Variants in CDH12 observed in about 807,000 individuals in gnomAD.
The protein encoded by CDH12 is cadherin 12, also known as cadherin-12.
CDH12 carries 41 observed loss-of-function variants against 74.1 expected under a neutral mutation model. That is an observed-to-expected ratio of 0.55 (90% CI 0.43 to 0.72). The LOEUF (loss-of-function observed/expected upper bound fraction) is 0.72. Among genes scored for constraint, CDH12 ranks in the 30% least tolerant of loss-of-function variants. The pLI, the probability that CDH12 is intolerant of heterozygous loss-of-function variation, is 0.00. For missense variants in CDH12, 945 were observed against 977.2 expected (o/e 0.97, Z 0.44); for synonymous variants, 399 against 355.0 (o/e 1.12, Z -1.39).
intron 2 of CDH12, among the ~76,000 whole-genome samples, chr5:22,419,777 A>G (rs1355593683): frequency 6.6e-6 from 1 of 152,200 alleles, no homozygotes; most frequent in African/African-American, 2.4e-5. Context: ...AAACTGTAAA[A>G]GCATTCCTAT....
At chr5:22,501,843 A>G (rs1422696513) in intron 2 of CDH12, among the ~76,000 whole-genome samples, 1 of 150,888 alleles carries the variant, frequency 6.6e-6, no homozygotes, top group Non-Finnish European at 1.5e-5. Context: ...ACTCAAATCC[A>G]CTCCTGGCTG....
Position 22,710,188 on chromosome 5 carries a change from A to G in CDH12, c.-523+142870T>C, listed in dbSNP as rs561014580. On this transcript the variant is annotated intron_variant, in intron 1 of 14. Transcript: ENST00000382254. ...TTTATTTCCTAAGTACAGAAATCAA[A>G]TTGATTTCAAAAATACAAAGTGACC... is the stretch of plus-strand genomic sequence containing the variant. Among the ~76,000 whole-genome samples the G allele has an allele frequency of 2.0e-4, 31 of 152,304 alleles. 1 individual carries two copies. Among genetic ancestry groups the G allele is most frequent in the South Asian group, 1.0e-3 (5 of 4,832 alleles).
chr5:22,692,974 T>C (rs1742162008), intron 1 of CDH12, among the ~76,000 whole-genome samples: 1 of 152,170 alleles, frequency 6.6e-6, no homozygotes, highest in Admixed American at 6.6e-5. Context: ...TAAATATTAT[T>C]ATTCCCTTTT....
intron 10 of CDH12, among the ~76,000 whole-genome samples, chr5:21,799,575 A>C (rs1049467208): frequency 6.6e-6 from 1 of 152,168 alleles, no homozygotes; most frequent in Non-Finnish European, 1.5e-5. Context: ...TAGCAGAAAC[A>C]CTGCCAGCTG....
intron 1 of CDH12, among the ~76,000 whole-genome samples, chr5:22,822,068 A>T (rs978604243): frequency 6.6e-6 from 1 of 152,206 alleles, no homozygotes; most frequent in African/African-American, 2.4e-5. Flanking sequence ...AGACCTCAGA[A>T]ATAATGCTGC....
chr5:22,709,737 G>A lies in CDH12; in HGVS notation c.-523+143321C>T, dbSNP rs114436603. Among the ~76,000 whole-genome samples, 571 of 152,238 alleles carry A rather than the reference G, an allele frequency of 3.8e-3. 4 individuals are homozygous for A. Among genetic ancestry groups the A allele is most frequent in the African/African-American group, 0.013 (548 of 41,538 alleles). ...CATGTGATGTTGACAGATTACTGTT[G>A]GAGTAAAGTATTCATAAAGTTTAAA... On this transcript the variant is annotated intron_variant, in intron 1 of 14. Coordinates refer to ENST00000382254, the MANE Select transcript of CDH12 (RefSeq NM_004061.5).
intron 4 of CDH12, among the ~76,000 whole-genome samples, chr5:22,129,767 T>G (rs1271677381): frequency 6.6e-6 from 1 of 152,030 alleles, no homozygotes; most frequent in Non-Finnish European, 1.5e-5. Flanking sequence ...GAGCTGTGAT[T>G]TAGTGGTATT....
chr5:22,155,397 C>T (rs1384810165), intron 4 of CDH12, among the ~76,000 whole-genome samples: 7 of 151,832 alleles, frequency 4.6e-5, no homozygotes, highest in Admixed American at 3.3e-4. Flanking sequence ...GTCAATATCT[C>T]AACATCTAAA....
At chr5:22,347,773 T>C (rs1740180337) in intron 3 of CDH12, among the ~76,000 whole-genome samples, 1 of 152,232 alleles carries the variant, frequency 6.6e-6, no homozygotes, top group Admixed American at 6.5e-5. Context: ...TTAGTACTAG[T>C]TGTAGTGCCA....
chr5:22,078,352 G>GT, intron 5 of CDH12, 94 bp downstream of exon 5: 1 of 1,074,396 alleles, frequency 9.3e-7, no homozygotes, highest in South Asian at 1.5e-5. Context: ...CTAGTCACTG[G>GT]TTTGTTCAAC....
intron 1 of CDH12, among the ~76,000 whole-genome samples, chr5:22,705,116 C>CATATATATATATAT (rs71609776): frequency 7.6e-4 from 96 of 126,116 alleles, no homozygotes; most frequent in East Asian, 5.9e-3. Flanking sequence ...CCCACCCAGT[C>CATATATATATATAT]ATATATATAT....
chr5:22,515,954 T>C (rs1170051047), intron 1 of CDH12, among the ~76,000 whole-genome samples: 2 of 152,074 alleles, frequency 1.3e-5, no homozygotes, highest in East Asian at 3.9e-4. Flanking sequence ...CCTGATCATA[T>C]GAAGCAATTG....
intron 6 of CDH12, among the ~76,000 whole-genome samples, chr5:21,945,268 T>C (rs2150094456): frequency 6.6e-6 from 1 of 151,224 alleles, no homozygotes; most frequent in South Asian, 2.1e-4. Flanking sequence ...CTACTAAAAA[T>C]ATAAAAAGTT....
At chr5:22,401,397 C>G (rs985913920) in intron 3 of CDH12, among the ~76,000 whole-genome samples, 1 of 152,052 alleles carries the variant, frequency 6.6e-6, no homozygotes, top group Non-Finnish European at 1.5e-5. Flanking sequence ...GTTTATTTAC[C>G]TAAATTCTTT....
At chr5:22,027,808 A>G (rs1738480595) in intron 5 of CDH12, among the ~76,000 whole-genome samples, 1 of 151,606 alleles carries the variant, frequency 6.6e-6, no homozygotes, top group African/African-American at 2.4e-5. Flanking sequence ...TTGTGTCTCT[A>G]TTTCCTTCAG....
intron 4 of CDH12, among the ~76,000 whole-genome samples, chr5:22,207,750 G>C (rs543706119): frequency 6.6e-6 from 1 of 152,248 alleles, no homozygotes; most frequent in African/African-American, 2.4e-5. Flanking sequence ...CCCAAAAATA[G>C]TATGCCCCAA....
At chr5:22,527,795 G>C (rs1245357948) in intron 1 of CDH12, among the ~76,000 whole-genome samples, 1 of 152,134 alleles carries the variant, frequency 6.6e-6, no homozygotes, top group Non-Finnish European at 1.5e-5. Context: ...GGCAGCTTAG[G>C]CATTTCGATT....
intron 1 of CDH12, among the ~76,000 whole-genome samples, chr5:22,709,119 C>T (rs1057142862): frequency 2.6e-5 from 4 of 152,236 alleles, no homozygotes; most frequent in Middle Eastern, 3.4e-3. Context: ...TTGCAGTCTC[C>T]CGCAGGACCT....
chr5:22,542,289 T>A (rs922894496), intron 1 of CDH12, among the ~76,000 whole-genome samples: 1 of 152,162 alleles, frequency 6.6e-6, no homozygotes, highest in African/African-American at 2.4e-5. Context: ...TTTTAAAAAA[T>A]TGGTCAGTAA....
Sources: allele counts gnomAD v4.1 joint callset (sites outside exome capture counted in the v4.1 genomes callset), GRCh38; gene constraint gnomAD v4.1.1; transcripts MANE v1.5; gene names NCBI Gene and HGNC (gene_info 2026-07-23, HGNC 2026-07-21).